The following ACSL3 variants were observed in gnomAD, a reference collection of about 807,000 sequenced individuals.
The protein encoded by ACSL3 is fatty acid CoA ligase Acsl3.
ACSL3 carries 34 observed loss-of-function variants against 84.7 expected under a neutral mutation model. The ratio of observed to expected loss-of-function variants is 0.40; its 90% CI spans 0.31 to 0.53. The LOEUF (loss-of-function observed/expected upper bound fraction) is 0.53. ACSL3 is among the 20% of genes least tolerant of loss of function. The pLI, the probability that ACSL3 is intolerant of heterozygous loss-of-function variation, is 0.48. For synonymous variants in ACSL3, 315 were observed against 299.4 expected (o/e 1.05, Z -0.54); for missense variants, 680 against 873.1 (o/e 0.78, Z 2.79).
intron 1 of ACSL3, 21 bp downstream of exon 1, chr2:222,861,279 G>A (rs1694996752): frequency 6.6e-6 from 1 of 152,118 alleles, no homozygotes; most frequent in Admixed American, 6.6e-5. Flanking sequence ...CGCCGGTTGT[G>A]GGAGCGGCGG....
chr2:222,892,327 T>C (rs947770867), intron 2 of ACSL3, among the ~76,000 whole-genome samples: 1 of 152,182 alleles, frequency 6.6e-6, no homozygotes, highest in African/African-American at 2.4e-5. Flanking sequence ...AAAACCATTC[T>C]CTTGAACTAG....
intron 1 of ACSL3, among the ~76,000 whole-genome samples, chr2:222,880,258 C>G (rs191731743): frequency 2.6e-5 from 4 of 152,004 alleles, no homozygotes; most frequent in Non-Finnish European, 5.9e-5. Context: ...AAAACAAACA[C>G]GTAAGAAAAA....
intron 5 of ACSL3, chr2:222,917,777 C>T (rs1178862936): frequency 1.3e-5 from 3 of 228,204 alleles, no homozygotes; most frequent in Non-Finnish European, 2.5e-5. Context: ...ATGTGGTAGT[C>T]CCAGAGTAAC....
intron 2 of ACSL3, among the ~76,000 whole-genome samples, chr2:222,888,696 A>G (rs1695776695): frequency 6.6e-6 from 1 of 152,220 alleles, no homozygotes; most frequent in South Asian, 2.1e-4. Flanking sequence ...ATCTAAGTAA[A>G]CAGGAAACTC....
chr2:222,887,950 G>C (rs537300472), intron 2 of ACSL3, 62 bp downstream of exon 2: 127 of 152,144 alleles, frequency 8.3e-4, no homozygotes, highest in African/African-American at 3.0e-3. Context: ...TAAATATTAA[G>C]TTAAAACCAA....
At position 222,942,760 on chromosome 2, in the gene ACSL3, A is replaced by G. The variant is rs894831523; in HGVS notation, c.*1106A>G. 3.2e-5 allele frequency: 7 copies of G among 216,228 alleles called. No homozygotes were observed. Among genetic ancestry groups the G allele is most frequent in the Non-Finnish European group, 5.6e-5 (6 of 107,440 alleles). 13.4% of individuals were successfully genotyped at this position (216,228 alleles called of 1,614,324 possible). On this transcript the variant is annotated 3_prime_UTR_variant, in exon 17 of 17. Coordinates refer to ENST00000357430, the MANE Select transcript of ACSL3 (RefSeq NM_004457.5). Reference sequence around the variant, plus strand: ...TCCCATAACCTTTGTACACTAAAAAATGAAAGAATTTAGAATGTATTTGAT... The same window carrying G: ...TCCCATAACCTTTGTACACTAAAAAGTGAAAGAATTTAGAATGTATTTGAT...
intron 2 of ACSL3, among the ~76,000 whole-genome samples, chr2:222,893,789 C>T (rs907320115): frequency 6.6e-6 from 1 of 151,770 alleles, no homozygotes; most frequent in Non-Finnish European, 1.5e-5. Context: ...CCTCCTCTGC[C>T]TCTTCTCACC....
intron 11 of ACSL3, 125 bp from the exon 12 acceptor site, chr2:222,926,892 G>A (rs999122437): frequency 2.9e-6 from 3 of 1,032,566 alleles, no homozygotes; most frequent in African/African-American, 3.2e-5. Context: ...CAAATTGGCT[G>A]TGTGACCTTG....
chr2:222,931,976 A>T (rs1697041717), intron 14 of ACSL3, among the ~76,000 whole-genome samples: 1 of 152,126 alleles, frequency 6.6e-6, no homozygotes, highest in South Asian at 2.1e-4. Context: ...ACAGGAGCCC[A>T]GGAGGCCGTG....
chr2:222,870,512 G>C (rs989740149), intron 1 of ACSL3, among the ~76,000 whole-genome samples: 14 of 152,222 alleles, frequency 9.2e-5, no homozygotes, highest in African/African-American at 3.1e-4. Context: ...TGCCATGAGA[G>C]AGTGCCCTAA....
At chr2:222,918,206 G>A in intron 6 of ACSL3, 51 bp downstream of exon 6, 1 of 1,235,614 alleles carries the variant, frequency 8.1e-7, no homozygotes, top group East Asian at 2.4e-5. Context: ...AATTTTCAGT[G>A]TCATGAGCCC....
At chr2:222,877,683 A>G (rs185884010) in intron 1 of ACSL3, among the ~76,000 whole-genome samples, 2 of 152,306 alleles carry the variant, frequency 1.3e-5, no homozygotes, top group Admixed American at 6.5e-5. Context: ...TAATGCCTAT[A>G]TATTATATAC....
At position 222,893,738 on chromosome 2, in the gene ACSL3, C is replaced by T. The variant is rs780782787; in HGVS notation, c.-148+5850C>T. 1.2e-4 allele frequency among the ~76,000 whole-genome samples: 18 copies of T among 151,810 alleles called. No homozygotes were observed. The South Asian group carries it at 2.1e-3, about 18-fold the overall frequency. On this transcript the variant is annotated intron_variant, in intron 2 of 16. Coordinates refer to ENST00000357430, the MANE Select transcript of ACSL3 (RefSeq NM_004457.5). ...CTCTCCTCTCCCTTCCCCCGCTTTCCGCCTCCTTTCCCTCTCCTTCCCTTC... is the reference window on the plus strand; with the variant it reads ...CTCTCCTCTCCCTTCCCCCGCTTTCTGCCTCCTTTCCCTCTCCTTCCCTTC...
intron 3 of ACSL3, among the ~76,000 whole-genome samples, chr2:222,904,336 A>G (rs1286550908): frequency 6.6e-6 from 1 of 152,124 alleles, no homozygotes; most frequent in Non-Finnish European, 1.5e-5. Context: ...AGTGAAGTTT[A>G]TATGGTCTTA....
intron 1 of ACSL3, among the ~76,000 whole-genome samples, chr2:222,870,362 A>C (rs755749736): frequency 5.9e-5 from 9 of 152,190 alleles, no homozygotes; most frequent in Non-Finnish European, 1.2e-4. Flanking sequence ...TTGACATCTC[A>C]ATAAGCAAGA....
At chr2:222,933,461 G>C (rs971847910) in intron 15 of ACSL3, 181 bp downstream of exon 15, 33 of 497,920 alleles carry the variant, frequency 6.6e-5, no homozygotes, top group Non-Finnish European at 1.1e-4. Flanking sequence ...GGCTTCCCCT[G>C]ATCTTTCTCT....
intron 3 of ACSL3, among the ~76,000 whole-genome samples, chr2:222,905,451 A>G (rs1023130467): frequency 6.6e-6 from 1 of 152,192 alleles, no homozygotes; most frequent in Non-Finnish European, 1.5e-5. Flanking sequence ...ATGAGCCACC[A>G]TGTCTGGCCA....
In ACSL3 at chr2:222,917,906, A is replaced by T; in HGVS notation, c.557-140A>T. The T allele has an allele frequency of 6.1e-6, 3 of 492,642 alleles. No individual in the cohort carries two copies. The South Asian group carries it at 1.3e-4, about 22-fold the overall frequency. 30.5% of individuals were successfully genotyped at this position (492,642 alleles called of 1,614,324 possible). A position where few individuals can be genotyped will look rare whatever the true frequency, so the allele number is the denominator to read the frequency against. On this transcript the variant is annotated intron_variant, in intron 5 of 16. Transcript: ENST00000357430. ...TTGATTAGTATGATAAGATAACTTT[A>T]AAAAACATAACACTTATAGACTGTG...
chr2:222,911,216 A>G (rs767163899), intron 4 of ACSL3, among the ~76,000 whole-genome samples: 8 of 151,888 alleles, frequency 5.3e-5, no homozygotes, highest in Non-Finnish European at 1.2e-4. Context: ...CGTCCGGCTA[A>G]TTTTGTGTTT....
Sources: allele counts gnomAD v4.1 joint callset (sites outside exome capture counted in the v4.1 genomes callset), GRCh38; gene constraint gnomAD v4.1.1; transcripts MANE v1.5; gene names NCBI Gene and HGNC (gene_info 2026-07-23, HGNC 2026-07-21).